Variants in MGAT4A observed in about 807,000 individuals in gnomAD.
MGAT4A encodes alpha-1,3-mannosyl-glycoprotein 4-beta-N-acetylglucosaminyltransferase A.
MGAT4A carries 33 observed loss-of-function variants against 74.1 expected under a neutral mutation model. The ratio of observed to expected loss-of-function variants is 0.45; its 90% confidence interval spans 0.34 to 0.60. The LOEUF is 0.60. Ranked by LOEUF, MGAT4A falls within the 20% of genes least tolerant of loss-of-function variation. MGAT4A has a pLI of 0.02. For missense variants in MGAT4A, 479 were observed against 628.3 expected, an observed-to-expected ratio of 0.76 and a Z score of 2.54; for synonymous variants, 198 against 210.4, an observed-to-expected ratio of 0.94 and a Z score of 0.51.
chr2:98,679,652 T>C (rs1702029191), intron 2 of MGAT4A, among the ~76,000 whole-genome samples: 1 of 152,004 alleles, frequency 6.6e-6, no homozygotes, highest in Non-Finnish European at 1.5e-5. Flanking sequence ...AGAATAAAAA[T>C]CCACTGAGCT....
chr2:98,662,196 G>A (rs1306745684), intron 5 of MGAT4A, among the ~76,000 whole-genome samples: 1 of 152,124 alleles, frequency 6.6e-6, no homozygotes, highest in African/African-American at 2.4e-5. Context: ...ACTATAATAT[G>A]GCTACATATG....
At chr2:98,701,361 G>T (rs935134228) in intron 2 of MGAT4A, among the ~76,000 whole-genome samples, 1 of 152,170 alleles carries the variant, frequency 6.6e-6, no homozygotes, top group African/African-American at 2.4e-5. Context: ...AATGGGTCTA[G>T]AACTGGACAA....
intron 2 of MGAT4A, among the ~76,000 whole-genome samples, chr2:98,687,758 A>G (rs1702147941): frequency 6.6e-6 from 1 of 151,904 alleles, no homozygotes; most frequent in East Asian, 1.9e-4. Context: ...TAAACAGTCC[A>G]CTCACTTGCC....
At position 98,642,344 on chromosome 2, in the gene MGAT4A, T is replaced by C. The variant is rs34114723; in HGVS notation, c.1020+1579A>G. Among the ~76,000 whole-genome samples the C allele has an allele frequency of 8.8e-3, 1,340 of 152,160 alleles. 11 individuals carry two copies. Among genetic ancestry groups the C allele is most frequent in the South Asian group, 0.026 (125 of 4,814 alleles). On this transcript the variant is annotated intron_variant, in intron 10 of 15. Transcript: ENST00000393487. The stretch of plus-strand genomic sequence containing the variant: ...GCACGCTGATAACCCTTTGGGACAA[T>C]GTATAAATGATTCGAAGGGTTTCCC...
At chr2:98,636,772 T>C (rs1422511086) in intron 12 of MGAT4A, among the ~76,000 whole-genome samples, 177 bp from the exon 13 acceptor site, 1 of 152,178 alleles carries the variant, frequency 6.6e-6, no homozygotes, top group African/African-American at 2.4e-5. Context: ...GTAGGGAACT[T>C]AGAAACTTAA....
intron 2 of MGAT4A, among the ~76,000 whole-genome samples, chr2:98,716,548 G>A (rs1225169915): frequency 2.6e-5 from 4 of 152,200 alleles, no homozygotes; most frequent in African/African-American, 9.7e-5. Context: ...AACCCAGTGG[G>A]CAGAGGTTGC....
chr2:98,657,568 T>C (rs1407779492), intron 6 of MGAT4A, among the ~76,000 whole-genome samples: 1 of 152,224 alleles, frequency 6.6e-6, no homozygotes, highest in East Asian at 1.9e-4. Flanking sequence ...ATTTTAAATG[T>C]AGGGTTAGCA....
At chr2:98,634,616 G>A (rs1701289819) in intron 14 of MGAT4A, among the ~76,000 whole-genome samples, 1 of 151,568 alleles carries the variant, frequency 6.6e-6, no homozygotes, top group Non-Finnish European at 1.5e-5. Context: ...GAGGCACAGA[G>A]CAGCCTGCCC....
rs59955000 is a variant in MGAT4A at position 98,671,943 on chromosome 2, CAAAAAAAAAAAAAAAAAA to C, written c.403+3074_403+3091del. On this transcript the variant is annotated intron_variant, in intron 4 of 15. Coordinates refer to ENST00000393487, the MANE Select transcript of MGAT4A (RefSeq NM_012214.3). ...AGGCCACAAAGTAATGTGGAAAAGG[CAAAAAAAAAAAAAAAAAA>C]AAAAAAAAAGGATCCTCCCCTAGAG... Among the ~76,000 whole-genome samples the C allele has an allele frequency of 7.4e-3, 212 of 28,642 alleles. 4 individuals carry two copies. Among genetic ancestry groups the C allele is most frequent in the African/African-American group, 0.026 (201 of 7,882 alleles). 18.8% of individuals were successfully genotyped at this position (28,642 alleles called of 152,430 possible).
intron 2 of MGAT4A, among the ~76,000 whole-genome samples, chr2:98,722,527 G>A (rs1351300025): frequency 6.6e-6 from 1 of 152,216 alleles, no homozygotes; most frequent in Non-Finnish European, 1.5e-5. Flanking sequence ...TAACCCCTAG[G>A]AGGGGAGGGG....
intron 2 of MGAT4A, among the ~76,000 whole-genome samples, chr2:98,687,921 T>C (rs1372087326): frequency 6.6e-6 from 1 of 151,944 alleles, no homozygotes; most frequent in Non-Finnish European, 1.5e-5. Context: ...TGCCTCAGAC[T>C]GAAAAAGGAA....
At chr2:98,677,004 C>A (rs1053518456) in intron 3 of MGAT4A, among the ~76,000 whole-genome samples, 1 of 152,132 alleles carries the variant, frequency 6.6e-6, no homozygotes, top group Non-Finnish European at 1.5e-5. Context: ...GGCAGTGGAT[C>A]TGGAGATGAG....
At chr2:98,649,191 GGTACCTATCAACAGTATGTTAAGTGACA>G (rs377599872) in intron 8 of MGAT4A, among the ~76,000 whole-genome samples, 41 of 152,288 alleles carry the variant, frequency 2.7e-4, no homozygotes, top group African/African-American at 9.4e-4. Flanking sequence ...GGCATAGCAA[GGTACCTATCAACAGTATGTTAAGTGACA>G]GCAAAAAAGG....
intron 2 of MGAT4A, among the ~76,000 whole-genome samples, chr2:98,693,109 T>C (rs1406621509): frequency 2.0e-5 from 3 of 152,126 alleles, no homozygotes; most frequent in African/African-American, 4.8e-5. Context: ...TTACAGCAAA[T>C]TTCTCATCAG....
At chr2:98,711,061 G>A (rs1244472303) in intron 2 of MGAT4A, among the ~76,000 whole-genome samples, 1 of 151,910 alleles carries the variant, frequency 6.6e-6, no homozygotes, top group Non-Finnish European at 1.5e-5. Context: ...CTGAGAAGAA[G>A]AAAAAAACTC....
chr2:98,635,988 A>AAAAAT (rs201089786), intron 13 of MGAT4A, among the ~76,000 whole-genome samples: 41,435 of 140,530 alleles, frequency 0.29, 7,846 homozygotes, highest in Non-Finnish European at 0.42. Flanking sequence ...TCTGTCTCAA[A>AAAAAT]AAAATAAAAT....
chr2:98,634,050 A>G (rs371698025), intron 14 of MGAT4A, among the ~76,000 whole-genome samples: 9 of 152,248 alleles, frequency 5.9e-5, no homozygotes, highest in African/African-American at 1.9e-4. Flanking sequence ...ATATCAATTT[A>G]CCAATATTTG....
intron 2 of MGAT4A, among the ~76,000 whole-genome samples, chr2:98,712,668 T>G (rs1702533860): frequency 6.6e-6 from 1 of 152,188 alleles, no homozygotes; most frequent in African/African-American, 2.4e-5. Context: ...TGAAGACGGA[T>G]TCACACGCCA....
In MGAT4A at chr2:98,626,795, A is replaced by G. The variant is rs115966373; in HGVS notation, c.1469-960T>C. On this transcript the variant is annotated intron_variant, in intron 14 of 15. Transcript: ENST00000393487. The stretch of plus-strand genomic sequence containing the variant: ...GGGGTTCAAAGTTAGTGTTCCCTAT[A>G]ATCAAAACTGACTGCAAATGTTCCC... Among the ~76,000 whole-genome samples, 700 of 152,298 alleles carry G rather than the reference A, an allele frequency of 4.6e-3. 3 individuals are homozygous for G. Among genetic ancestry groups the G allele is most frequent in the Middle Eastern group, 0.02 (6 of 294 alleles).
Sources: gnomAD v4.1 joint callset for allele counts (sites outside exome capture counted in the v4.1 genomes callset) on GRCh38, gnomAD v4.1.1 for gene constraint, MANE v1.5 for transcripts, NCBI Gene and HGNC (gene_info 2026-07-23, HGNC 2026-07-21) for gene names.